Variants in LRBA observed in about 807,000 individuals in gnomAD.
LRBA encodes the protein lipopolysaccharide-responsive and beige-like anchor protein.
LRBA carries 176 observed loss-of-function variants against 330.0 expected under a neutral mutation model. The ratio of observed to expected loss-of-function variants is 0.53; its 90% CI spans 0.47 to 0.60. LRBA has a LOEUF of 0.60. Ranked by LOEUF, LRBA falls within the 20% of genes least tolerant of loss-of-function variation. The probability of loss-of-function intolerance (pLI) is 0.00; values close to 1 mark genes in which losing one functional copy is unlikely to be tolerated. For missense variants in LRBA, 3,259 were observed against 3,444.8 expected, an observed-to-expected ratio of 0.95 and a Z score of 1.35; for synonymous variants, 1,230 against 1,193.0, an observed-to-expected ratio of 1.03 and a Z score of -0.64.
chr4:150,853,106 G>A (rs921034960), intron 22 of LRBA, among the ~76,000 whole-genome samples, 163 bp from the exon 23 acceptor site: 1 of 152,018 alleles, frequency 6.6e-6, no homozygotes, highest in Non-Finnish European at 1.5e-5. Context: ...GTCAATCACA[G>A]AAATCTAAAT....
At chr4:150,929,770 T>C (rs1178798372) in intron 2 of LRBA, among the ~76,000 whole-genome samples, 1 of 152,170 alleles carries the variant, frequency 6.6e-6, no homozygotes, top group African/African-American at 2.4e-5. Flanking sequence ...TAGAATTACC[T>C]TTGTAGAGCT....
At chr4:150,780,602 C>A (rs1738021477) in intron 34 of LRBA, among the ~76,000 whole-genome samples, 2 of 6,510 alleles carry the variant, frequency 3.1e-4, no homozygotes, top group South Asian at 1.9e-3. Flanking sequence ...TAGCTGATAC[C>A]AACTATATAT....
intron 40 of LRBA, among the ~76,000 whole-genome samples, chr4:150,535,139 G>C (rs1269852046): frequency 6.6e-6 from 1 of 151,750 alleles, no homozygotes; most frequent in South Asian, 2.1e-4. Context: ...GTATTATTTT[G>C]TTTTGTTTTT....
intron 34 of LRBA, among the ~76,000 whole-genome samples, chr4:150,767,614 C>T (rs1045619193): frequency 6.6e-6 from 1 of 150,540 alleles, no homozygotes; most frequent in African/African-American, 2.4e-5. Context: ...AAAAATTAGC[C>T]GGGCATGGTG....
chr4:150,933,264 T>C (rs143859516), intron 2 of LRBA, among the ~76,000 whole-genome samples: 3,386 of 151,772 alleles, frequency 0.022, 112 homozygotes, highest in African/African-American at 0.077. Flanking sequence ...GACACGTGCC[T>C]GTAATCCCAA....
chr4:150,646,746 T>G (rs140208494), intron 37 of LRBA, among the ~76,000 whole-genome samples: 3 of 152,222 alleles, frequency 2.0e-5, no homozygotes, highest in African/African-American at 7.2e-5. Context: ...CACTATAGGT[T>G]GCACATACCA....
intron 48 of LRBA, among the ~76,000 whole-genome samples, chr4:150,349,306 G>T (rs190915985): frequency 3.9e-5 from 6 of 152,150 alleles, no homozygotes; most frequent in African/African-American, 1.4e-4. Context: ...TTTCCTAAAC[G>T]CAGTTGTGTT....
intron 44 of LRBA, among the ~76,000 whole-genome samples, chr4:150,442,101 G>A (rs1751917428): frequency 6.6e-6 from 1 of 152,128 alleles, no homozygotes; most frequent in African/African-American, 2.4e-5. Flanking sequence ...AGGTAAGAAA[G>A]TTCTGGGAAA....
chr4:150,491,510 TA>T (rs983349534), intron 40 of LRBA, among the ~76,000 whole-genome samples: 6 of 152,116 alleles, frequency 3.9e-5, no homozygotes, highest in Non-Finnish European at 8.8e-5. Context: ...TTCATAACTT[TA>T]AAAAATGACA....
chr4:150,812,259 T>A (rs1243776799), intron 31 of LRBA, among the ~76,000 whole-genome samples: 1 of 152,200 alleles, frequency 6.6e-6, no homozygotes, highest in Non-Finnish European at 1.5e-5. Context: ...AGCTACCTCC[T>A]ACATGTGGAA....
chr4:150,562,720 A>T (rs7691319), intron 40 of LRBA, among the ~76,000 whole-genome samples: 9,278 of 152,296 alleles, frequency 0.061, 456 homozygotes, highest in East Asian at 0.18. Context: ...AATAGTAGAA[A>T]CATTACACTG....
chr4:150,800,038 C>A (rs1420490770), intron 33 of LRBA, among the ~76,000 whole-genome samples: 1 of 152,214 alleles, frequency 6.6e-6, no homozygotes, highest in Non-Finnish European at 1.5e-5. Flanking sequence ...AGCCACCATA[C>A]CTGGCCCATA....
intron 36 of LRBA, among the ~76,000 whole-genome samples, chr4:150,695,870 G>A (rs1456791492): frequency 6.6e-6 from 1 of 152,140 alleles, no homozygotes; most frequent in Non-Finnish European, 1.5e-5. Context: ...TCTTTTAGTT[G>A]TATTAGCAAG....
At chr4:150,634,562 T>C (rs989918129) in intron 37 of LRBA, among the ~76,000 whole-genome samples, 1 of 152,232 alleles carries the variant, frequency 6.6e-6, no homozygotes, top group African/African-American at 2.4e-5. Flanking sequence ...ATTCAATTCA[T>C]GACGTCCATT....
chr4:150,373,830 T>C (rs760403940), intron 47 of LRBA, among the ~76,000 whole-genome samples: 1 of 152,192 alleles, frequency 6.6e-6, no homozygotes, highest in Non-Finnish European at 1.5e-5. Context: ...CTTTTCCCTG[T>C]GTTTGGAGTA....
rs897351676 is a variant in LRBA, at chr4:150,828,973, T to C, written c.4730-352A>G. Among the ~76,000 whole-genome samples, 10 of 145,050 alleles carry C rather than the reference T, an allele frequency of 6.9e-5. No homozygotes were observed. In the East Asian group the frequency reaches 1.9e-3, roughly 27 times the overall value. On this transcript the variant is annotated intron_variant, in intron 29 of 56. Coordinates refer to ENST00000651943, the MANE Select transcript of LRBA (RefSeq NM_001364905.1). ...TGTGTGTGTGTGTGTGTCAGTCTGT[T>C]GCCCAGGCTGAAGTGCAGTGGTGTG...
At chr4:150,694,628 A>G (rs973467040) in intron 36 of LRBA, among the ~76,000 whole-genome samples, 2 of 152,212 alleles carry the variant, frequency 1.3e-5, no homozygotes, top group East Asian at 3.9e-4. Flanking sequence ...GACTCAAAGT[A>G]TTGATTTCTC....
chr4:150,625,302 A>G (rs1336204128), intron 37 of LRBA, among the ~76,000 whole-genome samples: 4 of 152,174 alleles, frequency 2.6e-5, no homozygotes, highest in Admixed American at 2.6e-4. Flanking sequence ...AAGTGACCAG[A>G]GTGGAGGCAG....
chr4:150,445,430 T>C (rs1752509801), intron 44 of LRBA, among the ~76,000 whole-genome samples: 3 of 145,792 alleles, frequency 2.1e-5, no homozygotes, highest in Admixed American at 6.9e-5. Flanking sequence ...CACACACACA[T>C]ATATATATGT....
Sources: gnomAD v4.1 joint callset for allele counts (sites outside exome capture counted in the v4.1 genomes callset) on GRCh38, gnomAD v4.1.1 for gene constraint, MANE v1.5 for transcripts, NCBI Gene and HGNC (gene_info 2026-07-23, HGNC 2026-07-21) for gene names.